The following ASF1B variants were observed in gnomAD, a reference collection of about 807,000 sequenced individuals.
ASF1B encodes the protein histone chaperone ASF1B.
In ASF1B, 10 loss-of-function variants were observed where a neutral mutation model predicts 16.6. The observed-to-expected ratio is 0.60, with a 90% confidence interval of 0.37 to 1.02. The LOEUF (loss-of-function observed/expected upper bound fraction) is 1.02, where lower values mean the gene tolerates loss of function less well. Ranked by LOEUF, ASF1B falls within the 50% of genes least tolerant of loss-of-function variation. ASF1B has a pLI of 0.01. For synonymous variants in ASF1B, 101 were observed against 106.2 expected (o/e 0.95, Z 0.30); for missense variants, 240 against 266.0 (o/e 0.90, Z 0.68).
chr19:14,120,351 C>G lies in ASF1B; in HGVS notation c.*108G>C, dbSNP rs577237560. ...TTCCTAGGGGCTGAGTTTGACAGAC[C>G]TGGATTGCAGCTGATGGCCCCCAAA... On this transcript the variant is annotated 3_prime_UTR_variant, in exon 4 of 4. Coordinates refer to ENST00000263382, the MANE Select transcript of ASF1B (RefSeq NM_018154.3). 4.5e-6 allele frequency: 5 copies of G among 1,113,884 alleles called. No homozygotes were observed. The highest frequency in any genetic ancestry group is 2.8e-5 in the South Asian group (2 of 70,698). 69.0% of individuals were successfully genotyped at this position (1,113,884 alleles called of 1,614,324 possible).
At position 14,126,160 on chromosome 19, in the gene ASF1B, C is replaced by T. The variant is rs1311790457; in HGVS notation, c.187G>A (p.Gly63Ser). 10 of 1,610,332 alleles carry T rather than the reference C, an allele frequency of 6.2e-6. No homozygotes were observed. The highest frequency in any genetic ancestry group is 8.5e-6 in the Non-Finnish European group (10 of 1,178,842). ...ATGTGTCTCCCTGCTGGCACAGGGC[C>T]CACCAGCACCGAGTCTAGGATCTGA... The part of the protein sequence containing the change: ...FDQILDSVLV[G>S]PVPAGRHMFV... Residue 63 changes from glycine to serine, a missense_variant, in exon 2 of 4, where the codon GGC (glycine) becomes AGC (serine). Coordinates refer to ENST00000263382, the MANE Select transcript of ASF1B (RefSeq NM_018154.3).
chr19:14,126,005 G>T, intron 2 of ASF1B, 117 bp downstream of exon 2: 1 of 769,046 alleles, frequency 1.3e-6, no homozygotes, highest in Non-Finnish European at 2.0e-6. Flanking sequence ...CTATAGGCGT[G>T]AGCCCGTGCC....
rs1210670638 is a variant in ASF1B at position 14,133,109 on chromosome 19, G to C, written c.109+3239C>G. On this transcript the variant is annotated intron_variant, in intron 1 of 3. Transcript: ENST00000263382. ...CACTCCAGCCTGGGTGACACAGCGA[G>C]ACTCCATCTCAAAAATAAATAAATA... Among the ~76,000 whole-genome samples the C allele has an allele frequency of 2.7e-5, 4 of 149,934 alleles. No individual in the cohort carries two copies. In the Admixed American group the frequency reaches 2.7e-4, roughly 10 times the overall value.
chr19:14,126,732 A>C (rs1195242961), intron 1 of ASF1B, among the ~76,000 whole-genome samples: 2 of 152,148 alleles, frequency 1.3e-5, no homozygotes, highest in African/African-American at 4.8e-5. Flanking sequence ...TTGGCCTCCC[A>C]AAGTGCTGGG....
At chr19:14,135,734 T>C (rs944137378) in intron 1 of ASF1B, among the ~76,000 whole-genome samples, 1 of 150,806 alleles carries the variant, frequency 6.6e-6, no homozygotes, top group African/African-American at 2.4e-5. Flanking sequence ...ATAGGGAAAA[T>C]AGGAGATGGC....
chr19:14,123,844 G>A (rs2144510798), intron 2 of ASF1B, among the ~76,000 whole-genome samples: 1 of 149,608 alleles, frequency 6.7e-6, no homozygotes, highest in Admixed American at 6.7e-5. Flanking sequence ...AGGCTCGAGT[G>A]CAGTGGCGCA....
At chr19:14,126,824 A>G (rs567622454) in intron 1 of ASF1B, among the ~76,000 whole-genome samples, 568 of 152,222 alleles carry the variant, frequency 3.7e-3, no homozygotes, top group Non-Finnish European at 6.4e-3. Context: ...CCAAGCTGGT[A>G]TCCAACTCCT....
rs779343989 is a variant in ASF1B at position 14,136,483 on chromosome 19, G to A, written c.-27C>T. ...GCCTCGCCTCGCCGCGCCGCAGCAG[G>A]GGCAGGGGCTGTGGCTGTGGCGGAG... On this transcript the variant is annotated 5_prime_UTR_variant, in exon 1 of 4. Coordinates refer to ENST00000263382, the MANE Select transcript of ASF1B (RefSeq NM_018154.3). The A allele has an allele frequency of 3.7e-6, 6 of 1,606,264 alleles. No homozygotes were observed. Among genetic ancestry groups the A allele is most frequent in the East Asian group, 2.2e-5 (1 of 44,738 alleles).
chr19:14,133,506 A>G (rs922904922), intron 1 of ASF1B, among the ~76,000 whole-genome samples: 4 of 152,012 alleles, frequency 2.6e-5, no homozygotes, highest in Non-Finnish European at 4.4e-5. Context: ...CGTCTCTACT[A>G]AAAATACAAA....
At chr19:14,125,739 G>T (rs1279146581) in intron 2 of ASF1B, among the ~76,000 whole-genome samples, 1 of 152,158 alleles carries the variant, frequency 6.6e-6, no homozygotes, top group Non-Finnish European at 1.5e-5. Flanking sequence ...TTTTTGTAGA[G>T]ATGCGGTCTC....
chr19:14,136,532 C>G lies in ASF1B; in HGVS notation c.-76G>C. On this transcript the variant is annotated 5_prime_UTR_variant, in exon 1 of 4. Transcript: ENST00000263382. ...AGGCCGCGCCTGGGTCCGGTGGGGT[C>G]AGTGGGGTAGGGCTGACCAGGTCCA... The G allele has an allele frequency of 7.5e-7, 1 of 1,335,516 alleles. No homozygotes were observed. The highest frequency in any genetic ancestry group is 1.3e-5 in the South Asian group (1 of 78,450). The allele number at this position is 1,335,516 out of a possible 1,614,324, so 82.7% of individuals were successfully genotyped here. A position where few individuals can be genotyped will look rare whatever the true frequency, so the allele number is the denominator to read the frequency against.
chr19:14,125,394 C>T (rs1165885228), intron 2 of ASF1B, among the ~76,000 whole-genome samples: 4 of 152,210 alleles, frequency 2.6e-5, no homozygotes, highest in African/African-American at 4.8e-5. Context: ...ATTCAGTGTT[C>T]GCGGCAACTT....
chr19:14,124,828 G>A lies in ASF1B; in HGVS notation c.225+1294C>T, dbSNP rs7249561. 4.6e-5 allele frequency among the ~76,000 whole-genome samples: 7 copies of A among 152,288 alleles called. No individual in the cohort carries two copies. In the South Asian group the frequency reaches 1.0e-3, roughly 23 times the overall value. On this transcript the variant is annotated intron_variant, in intron 2 of 3. Coordinates refer to ENST00000263382, the MANE Select transcript of ASF1B (RefSeq NM_018154.3). The stretch of plus-strand genomic sequence containing the variant: ...TTTGCTGTCTATGATGGCACCCAAC[G>A]GTAGTGCTGAAGTGCAGTGTAGGAT...
chr19:14,135,157 G>C (rs1316190987), intron 1 of ASF1B, among the ~76,000 whole-genome samples: 6 of 150,574 alleles, frequency 4.0e-5, no homozygotes, highest in Non-Finnish European at 8.9e-5. Flanking sequence ...TCGGGAGGTG[G>C]AGGTTGCAGT....
intron 1 of ASF1B, among the ~76,000 whole-genome samples, chr19:14,127,162 C>T (rs970720617): frequency 3.9e-5 from 6 of 152,238 alleles, no homozygotes; most frequent in African/African-American, 1.4e-4. Flanking sequence ...GTGCCAGGCA[C>T]TGCAGTCTTG....
At chr19:14,136,284 G>A (rs951159364) in intron 1 of ASF1B, 64 bp downstream of exon 1, 1 of 1,429,866 alleles carries the variant, frequency 7.0e-7, no homozygotes, top group Non-Finnish European at 9.7e-7. Flanking sequence ...CCATGGGAGC[G>A]GTTCTCTGAG....
intron 1 of ASF1B, 152 bp downstream of exon 1, chr19:14,136,196 T>C (rs564314413): frequency 1.9e-5 from 10 of 538,256 alleles, no homozygotes; most frequent in Middle Eastern, 3.7e-4. Context: ...CACCGGGAGA[T>C]CCGGTTGACT....
At chr19:14,127,063 AG>A (rs1028831987) in intron 1 of ASF1B, among the ~76,000 whole-genome samples, 5 of 152,220 alleles carry the variant, frequency 3.3e-5, no homozygotes, top group Non-Finnish European at 5.9e-5. Flanking sequence ...TTGGGATCAC[AG>A]GTGTGGGCTG....
In ASF1B at chr19:14,120,189, G is replaced by A. The variant is rs1013772235; in HGVS notation, c.*270C>T. 1.6e-5 allele frequency: 7 copies of A among 431,304 alleles called. No individual in the cohort carries two copies. The highest frequency in any genetic ancestry group is 2.5e-5 in the Non-Finnish European group (6 of 241,892). The allele number at this position is 431,304 out of a possible 1,614,324, so 26.7% of individuals were successfully genotyped here. On this transcript the variant is annotated 3_prime_UTR_variant, in exon 4 of 4. Transcript: ENST00000263382. ...CTCAAGGGTGCACAGTGGCACAGTG[G>A]CCTTAGTTAGAATTTATGAAGACGA...
Sources: gnomAD v4.1 joint callset for allele counts (sites outside exome capture counted in the v4.1 genomes callset) on GRCh38, gnomAD v4.1.1 for gene constraint, MANE v1.5 for transcripts, NCBI Gene and HGNC (gene_info 2026-07-23, HGNC 2026-07-21) for gene names.